The following ULK4 variants were observed in gnomAD, a reference collection of about 807,000 sequenced individuals.
ULK4 encodes unc-51 like kinase 4.
ULK4 carries 133 observed loss-of-function variants against 160.6 expected under a neutral mutation model. That is an observed-to-expected ratio of 0.83 (90% CI 0.72 to 0.96). ULK4 has a LOEUF of 0.96. ULK4 is among the 40% of genes least tolerant of loss of function. The probability of loss-of-function intolerance (pLI) is 0.00; values close to 1 mark genes in which losing one functional copy is unlikely to be tolerated. For synonymous variants in ULK4, 534 were observed against 539.8 expected (o/e 0.99, Z 0.15); for missense variants, 1,580 against 1,499.5 (o/e 1.05, Z -0.89).
intron 17 of ULK4, among the ~76,000 whole-genome samples, chr3:41,856,549 GTGTATATATATACACA>G (rs2042350237): frequency 1.2e-4 from 7 of 57,974 alleles, no homozygotes; most frequent in African/African-American, 3.6e-4. Context: ...ATATATATAT[GTGTATATATATACACA>G]TATATATATG....
At chr3:41,377,391 A>G (rs2081528885) in intron 35 of ULK4, among the ~76,000 whole-genome samples, 2 of 151,368 alleles carry the variant, frequency 1.3e-5, no homozygotes, top group Admixed American at 1.3e-4. Context: ...ATTAAACTAA[A>G]GAGCTTCTGC....
In ULK4 at chr3:41,641,816, T is replaced by A. The variant is rs557735740; in HGVS notation, c.3071+21791A>T. Among the ~76,000 whole-genome samples the A allele has an allele frequency of 9.3e-4, 128 of 137,328 alleles. No homozygotes were observed. In the Middle Eastern group the frequency reaches 0.01, roughly 11 times the overall value. The allele number at this position is 137,328 out of a possible 152,430, so 90.1% of individuals were successfully genotyped here. A position where few individuals can be genotyped will look rare whatever the true frequency, so the allele number is the denominator to read the frequency against. ...AAGAAGAGTAATTGTTTCCTAATAA[T>A]TGTTTAAAATGCAAGTAAAAAAAAA... is the stretch of plus-strand genomic sequence containing the variant. On this transcript the variant is annotated intron_variant, in intron 30 of 36. Transcript: ENST00000301831.
At chr3:41,627,567 A>C (rs866336103) in intron 30 of ULK4, among the ~76,000 whole-genome samples, 2 of 152,316 alleles carry the variant, frequency 1.3e-5, no homozygotes, top group Middle Eastern at 3.4e-3. Flanking sequence ...CTTGTCATGC[A>C]GTTCTTACTT....
intron 35 of ULK4, among the ~76,000 whole-genome samples, chr3:41,376,577 A>G (rs946804417): frequency 1.3e-5 from 2 of 149,790 alleles, no homozygotes; most frequent in Non-Finnish European, 2.9e-5. Context: ...TTATACACCA[A>G]TAACAGACAA....
At chr3:41,437,310 C>T (rs529278801) in intron 34 of ULK4, among the ~76,000 whole-genome samples, 31 of 152,288 alleles carry the variant, frequency 2.0e-4, no homozygotes, top group African/African-American at 7.5e-4. Flanking sequence ...TGGAGTTTAT[C>T]TATCAGACTT....
At chr3:41,643,562 G>A (rs1247660985) in intron 30 of ULK4, among the ~76,000 whole-genome samples, 1 of 152,080 alleles carries the variant, frequency 6.6e-6, no homozygotes, top group Non-Finnish European at 1.5e-5. Flanking sequence ...TCTCTGTTTT[G>A]GTACCAGTAC....
At chr3:41,394,592 A>G (rs986305110) in intron 35 of ULK4, among the ~76,000 whole-genome samples, 2 of 152,180 alleles carry the variant, frequency 1.3e-5, no homozygotes, top group African/African-American at 4.8e-5. Flanking sequence ...AGTGAAAAAT[A>G]GAATGGTCGT....
intron 35 of ULK4, among the ~76,000 whole-genome samples, chr3:41,266,430 GA>G (rs1359102816): frequency 6.6e-6 from 1 of 152,180 alleles, no homozygotes; most frequent in African/African-American, 2.4e-5. Context: ...GATGCATAAA[GA>G]GAGGTCTCAC....
At chr3:41,468,805 G>C (rs1238714644) in intron 32 of ULK4, among the ~76,000 whole-genome samples, 3 of 152,172 alleles carry the variant, frequency 2.0e-5, no homozygotes, top group Non-Finnish European at 4.4e-5. Context: ...GCATCTTGTG[G>C]CACTTTCCAG....
chr3:41,816,261 A>T (rs1008663741), intron 19 of ULK4, among the ~76,000 whole-genome samples: 5 of 152,162 alleles, frequency 3.3e-5, no homozygotes, highest in Non-Finnish European at 7.4e-5. Flanking sequence ...TATTACAGCA[A>T]AGCAAACAGG....
intron 32 of ULK4, among the ~76,000 whole-genome samples, chr3:41,523,190 T>G (rs985030548): frequency 1.3e-4 from 20 of 152,202 alleles, no homozygotes; most frequent in African/African-American, 4.8e-4. Flanking sequence ...ATTACAGGCA[T>G]GAGCCACTGT....
intron 21 of ULK4, among the ~76,000 whole-genome samples, chr3:41,761,116 G>C (rs2038968698): frequency 6.6e-6 from 1 of 152,110 alleles, no homozygotes; most frequent in African/African-American, 2.4e-5. Context: ...TAAGACAAAA[G>C]CAGCACAAGG....
At chr3:41,523,454 C>T (rs1259688619) in intron 32 of ULK4, among the ~76,000 whole-genome samples, 1 of 152,148 alleles carries the variant, frequency 6.6e-6, no homozygotes, top group East Asian at 1.9e-4. Flanking sequence ...AATGTGAATG[C>T]ACTTAATGCC....
intron 35 of ULK4, among the ~76,000 whole-genome samples, chr3:41,360,958 A>G (rs970041741): frequency 1.6e-4 from 24 of 152,118 alleles, no homozygotes; most frequent in African/African-American, 4.6e-4. Flanking sequence ...AAAAGGAAGG[A>G]AAAAAACAGA....
At chr3:41,603,284 G>A (rs1038158688) in intron 31 of ULK4, among the ~76,000 whole-genome samples, 1 of 151,872 alleles carries the variant, frequency 6.6e-6, no homozygotes, top group Non-Finnish European at 1.5e-5. Context: ...CATTCACCAA[G>A]AAGACATAAC....
intron 30 of ULK4, among the ~76,000 whole-genome samples, chr3:41,640,122 T>G (rs2034122395): frequency 6.6e-6 from 1 of 152,182 alleles, no homozygotes. Flanking sequence ...GGCAATGGCG[T>G]CCTTATCCTA....
At chr3:41,481,814 G>A (rs1486767385) in intron 32 of ULK4, among the ~76,000 whole-genome samples, 108 of 129,112 alleles carry the variant, frequency 8.4e-4, no homozygotes, top group African/African-American at 2.9e-3. Context: ...GCGACAGAGC[G>A]AGACTCCGTC....
At chr3:41,700,042 T>C (rs1211131365) in intron 27 of ULK4, among the ~76,000 whole-genome samples, 1 of 152,208 alleles carries the variant, frequency 6.6e-6, no homozygotes, top group Non-Finnish European at 1.5e-5. Context: ...TCATATCTTA[T>C]TTGATGACTT....
intron 34 of ULK4, among the ~76,000 whole-genome samples, chr3:41,422,206 T>C (rs2082679011): frequency 6.6e-6 from 1 of 152,192 alleles, no homozygotes; most frequent in Non-Finnish European, 1.5e-5. Context: ...AGGGTGATCA[T>C]GTCCTGTGAA....
Sources: allele counts gnomAD v4.1 joint callset (sites outside exome capture counted in the v4.1 genomes callset), GRCh38; gene constraint gnomAD v4.1.1; transcripts MANE v1.5; gene names NCBI Gene and HGNC (gene_info 2026-07-23, HGNC 2026-07-21).